Variants in VWA8 observed in about 807,000 individuals in gnomAD.
VWA8 encodes the protein von Willebrand factor A domain-containing protein 8.
VWA8 carries 221 observed loss-of-function variants against 241.5 expected under a neutral mutation model. The observed-to-expected ratio is 0.91, with a 90% CI of 0.82 to 1.02. VWA8 has a LOEUF of 1.02. Ranked by LOEUF, VWA8 falls within the 50% of genes least tolerant of loss-of-function variation. VWA8 has a pLI of 0.00. For synonymous variants in VWA8, 852 were observed against 827.1 expected (o/e 1.03, Z -0.52); for missense variants, 2,322 against 2,328.7 (o/e 1.00, Z 0.06).
intron 21 of VWA8, among the ~76,000 whole-genome samples, chr13:41,760,586 G>A (rs1259718919): frequency 6.6e-6 from 1 of 151,628 alleles, no homozygotes; most frequent in Non-Finnish European, 1.5e-5. Context: ...AAATTAGAAC[G>A]GGTTCACTCA....
chr13:41,741,144 C>T (rs1330956786), intron 21 of VWA8, among the ~76,000 whole-genome samples: 2 of 152,182 alleles, frequency 1.3e-5, no homozygotes, highest in African/African-American at 4.8e-5. Flanking sequence ...CTCCCTCTCA[C>T]CAGCAACTAT....
At chr13:41,646,747 T>C (rs1179755737) in intron 37 of VWA8, among the ~76,000 whole-genome samples, 2 of 152,260 alleles carry the variant, frequency 1.3e-5, no homozygotes, top group Non-Finnish European at 2.9e-5. Flanking sequence ...TAGAAAGCAC[T>C]GTATACATCA....
At chr13:41,611,050 C>T (rs1291676693) in intron 39 of VWA8, among the ~76,000 whole-genome samples, 1 of 152,150 alleles carries the variant, frequency 6.6e-6, no homozygotes, top group Non-Finnish European at 1.5e-5. Context: ...TGCCCTGGTG[C>T]CTCTGCTCAT....
At chr13:41,948,192 T>C (rs958577199) in intron 2 of VWA8, among the ~76,000 whole-genome samples, 9 of 152,196 alleles carry the variant, frequency 5.9e-5, no homozygotes, top group African/African-American at 2.2e-4. Flanking sequence ...GAATATAATT[T>C]AGCCATAAAA....
intron 2 of VWA8, among the ~76,000 whole-genome samples, 196 bp from the exon 3 acceptor site, chr13:41,912,364 C>A (rs971886956): frequency 6.6e-6 from 1 of 151,766 alleles, no homozygotes; most frequent in Non-Finnish European, 1.5e-5. Flanking sequence ...TAGACACCTG[C>A]TGAATTTTCA....
chr13:41,695,828 A>G (rs2137821772), intron 29 of VWA8, among the ~76,000 whole-genome samples: 1 of 152,328 alleles, frequency 6.6e-6, no homozygotes, highest in East Asian at 1.9e-4. Flanking sequence ...CATGAAAGTA[A>G]TTGAAATTAA....
intron 35 of VWA8, among the ~76,000 whole-genome samples, chr13:41,680,348 G>C (rs923150000): frequency 6.6e-6 from 1 of 151,968 alleles, no homozygotes; most frequent in African/African-American, 2.4e-5. Context: ...TCTAATCTTA[G>C]GCCTGTGCAT....
chr13:41,869,302 A>G (rs114916499), intron 9 of VWA8, among the ~76,000 whole-genome samples: 1,582 of 152,216 alleles, frequency 0.01, 30 homozygotes, highest in African/African-American at 0.037. Flanking sequence ...AGTGCTTTCT[A>G]CACTATAGGG....
chr13:41,859,878 A>G (rs1872930024), intron 12 of VWA8, among the ~76,000 whole-genome samples: 1 of 152,224 alleles, frequency 6.6e-6, no homozygotes, highest in Non-Finnish European at 1.5e-5. Flanking sequence ...TGTACAAATA[A>G]CAGGGAAGTC....
intron 40 of VWA8, among the ~76,000 whole-genome samples, chr13:41,596,989 C>A (rs1421548789): frequency 6.6e-6 from 1 of 151,278 alleles, no homozygotes; most frequent in Non-Finnish European, 1.5e-5. Flanking sequence ...TTTTTTTTAC[C>A]TACAAACTCT....
intron 12 of VWA8, among the ~76,000 whole-genome samples, chr13:41,854,303 G>T (rs1233354951): frequency 6.6e-6 from 1 of 151,974 alleles, no homozygotes; most frequent in African/African-American, 2.4e-5. Flanking sequence ...GACAATTGGG[G>T]AAACAATAGA....
intron 2 of VWA8, among the ~76,000 whole-genome samples, chr13:41,936,137 C>T (rs570094282): frequency 6.6e-6 from 1 of 152,208 alleles, no homozygotes; most frequent in South Asian, 2.1e-4. Flanking sequence ...GTCATATGAA[C>T]TCATATTTCT....
intron 37 of VWA8, among the ~76,000 whole-genome samples, chr13:41,640,857 A>G (rs946274569): frequency 6.6e-6 from 1 of 152,242 alleles, no homozygotes; most frequent in Non-Finnish European, 1.5e-5. Context: ...TCGTAATAAA[A>G]TCTTAGAGGC....
chr13:41,880,681 T>A (rs912854625), intron 9 of VWA8, among the ~76,000 whole-genome samples: 1 of 152,180 alleles, frequency 6.6e-6, no homozygotes, highest in Non-Finnish European at 1.5e-5. Context: ...ACAATGACCC[T>A]CAACCTAGAA....
At chr13:41,805,823 AG>A (rs1043690601) in intron 17 of VWA8, among the ~76,000 whole-genome samples, 1 of 152,088 alleles carries the variant, frequency 6.6e-6, no homozygotes, top group Non-Finnish European at 1.5e-5. Flanking sequence ...TCAAAAAAAA[AG>A]AAAAAGAAAA....
At position 41,944,550 on chromosome 13, in the gene VWA8, C is replaced by T. The variant is rs542887354; in HGVS notation, c.241+5386G>A. 3.0e-4 allele frequency among the ~76,000 whole-genome samples: 46 copies of T among 152,230 alleles called. No individual in the cohort carries two copies. The South Asian group carries it at 4.1e-3, about 14-fold the overall frequency. On this transcript the variant is annotated intron_variant, in intron 2 of 44. Transcript: ENST00000379310. ...CTGGTCTCAAACTCCTGGCCTCAAG[C>T]GATCATCCCACCTTAGCCTCCCAAA...
At chr13:41,579,808 C>T (rs569342473) in intron 42 of VWA8, among the ~76,000 whole-genome samples, 1 of 152,132 alleles carries the variant, frequency 6.6e-6, no homozygotes, top group East Asian at 1.9e-4. Flanking sequence ...GTTGGTTAAA[C>T]CCCAGGTTTT....
chr13:41,894,997 C>CT (rs1024132154), intron 4 of VWA8, among the ~76,000 whole-genome samples: 75 of 150,490 alleles, frequency 5.0e-4, no homozygotes, highest in African/African-American at 1.6e-3. Context: ...AGATAACAGT[C>CT]TTTTTTTTTA....
intron 12 of VWA8, among the ~76,000 whole-genome samples, chr13:41,835,356 A>G (rs1566475728): frequency 6.6e-6 from 1 of 152,248 alleles, no homozygotes; most frequent in Non-Finnish European, 1.5e-5. Flanking sequence ...GCAACTTCCC[A>G]TAAACTTAAA....
Sources: allele counts gnomAD v4.1 joint callset (sites outside exome capture counted in the v4.1 genomes callset), GRCh38; gene constraint gnomAD v4.1.1; transcripts MANE v1.5; gene names NCBI Gene and HGNC (gene_info 2026-07-23, HGNC 2026-07-21).